The following AIMP1 variants were observed in gnomAD, a reference collection of about 807,000 sequenced individuals.
AIMP1 encodes the protein aminoacyl tRNA synthase complex-interacting multifunctional protein 1.
AIMP1 carries 24 observed loss-of-function variants against 33.1 expected under a neutral mutation model. The ratio of observed to expected loss-of-function variants is 0.73; its 90% confidence interval spans 0.53 to 1.02. The LOEUF is 1.02. Among genes scored for constraint, AIMP1 ranks in the 50% least tolerant of loss-of-function variants. AIMP1 has a pLI of 0.00. For synonymous variants in AIMP1, 120 were observed against 121.5 expected (o/e 0.99, Z 0.08); for missense variants, 367 against 364.8 (o/e 1.01, Z -0.05).
Position 106,316,612 on chromosome 4 carries a change from G to C in AIMP1, c.-26+18G>C. On this transcript the variant is annotated intron_variant, in intron 1 of 6. Coordinates refer to ENST00000672341, the MANE Select transcript of AIMP1 (RefSeq NM_001142416.2). ...CGCTTCATGTGAGTGACGTCGTGGC[G>C]GGTCACTCACTCGGGGATCGCCGAT... is the stretch of plus-strand genomic sequence containing the variant. 1 of 1,550,614 alleles carries C rather than the reference G, an allele frequency of 6.4e-7. No individual in the cohort carries two copies. Among genetic ancestry groups the C allele is most frequent in the Non-Finnish European group, 8.7e-7 (1 of 1,146,504 alleles).
At chr4:106,342,896 G>T (rs181581709) in intron 6 of AIMP1, among the ~76,000 whole-genome samples, 1 of 149,446 alleles carries the variant, frequency 6.7e-6, no homozygotes, top group Non-Finnish European at 1.5e-5. Flanking sequence ...GAATCTATCC[G>T]ATCCAGGGCT....
chr4:106,323,046 A>G (rs956831530), intron 1 of AIMP1, among the ~76,000 whole-genome samples: 1 of 150,970 alleles, frequency 6.6e-6, no homozygotes, highest in Non-Finnish European at 1.5e-5. Flanking sequence ...TAGTAGTTGC[A>G]TATGTGTATT....
At chr4:106,331,584 C>G (rs544108809) in intron 4 of AIMP1, 88 bp from the exon 5 acceptor site, 1 of 1,137,606 alleles carries the variant, frequency 8.8e-7, no homozygotes, top group Middle Eastern at 2.0e-4. Flanking sequence ...TCCTTTTAAG[C>G]TCATTGGTAT....
At chr4:106,346,164 T>C (rs1478657017) in intron 6 of AIMP1, among the ~76,000 whole-genome samples, 1 of 152,076 alleles carries the variant, frequency 6.6e-6, no homozygotes, top group East Asian at 1.9e-4. Flanking sequence ...TCTCAGCTAT[T>C]GAACTTATAT....
intron 6 of AIMP1, among the ~76,000 whole-genome samples, chr4:106,339,962 G>C (rs1025705646): frequency 1.3e-5 from 2 of 152,154 alleles, no homozygotes; most frequent in African/African-American, 4.8e-5. Context: ...GACAGATGAA[G>C]CTTCATAATG....
At chr4:106,331,381 A>G (rs1769669259) in intron 4 of AIMP1, among the ~76,000 whole-genome samples, 1 of 152,148 alleles carries the variant, frequency 6.6e-6, no homozygotes, top group South Asian at 2.1e-4. Flanking sequence ...TTCCAGTAAA[A>G]CTTTATTTAT....
chr4:106,316,845 CG>C (rs1167933526), intron 1 of AIMP1: 3 of 470,842 alleles, frequency 6.4e-6, no homozygotes, highest in Non-Finnish European at 1.1e-5. Flanking sequence ...GATCCCTAAG[CG>C]TATTTACTGT....
At chr4:106,344,090 G>C (rs373145805) in intron 6 of AIMP1, among the ~76,000 whole-genome samples, 1 of 151,948 alleles carries the variant, frequency 6.6e-6, no homozygotes, top group Non-Finnish European at 1.5e-5. Context: ...AATTAACTTG[G>C]CTTCTGGCAC....
rs182065529 is a variant in AIMP1 at position 106,348,204 on chromosome 4, G to A, written c.*512G>A. On this transcript the variant is annotated 3_prime_UTR_variant, in exon 7 of 7. Transcript: ENST00000672341. ...TGAAAGCCAAACATAAAAGCTAGGA[G>A]AAGTGGCATCTGAACATTTTTGCTT... 6.6e-6 allele frequency: 1 copy of A among 152,282 alleles called. No individual in the cohort carries two copies. Among genetic ancestry groups the A allele is most frequent in the Non-Finnish European group, 1.5e-5 (1 of 68,054 alleles). The allele number at this position is 152,282 out of a possible 1,614,324, so 9.4% of individuals were successfully genotyped here.
chr4:106,340,305 T>A (rs1770050638), intron 6 of AIMP1, among the ~76,000 whole-genome samples: 1 of 151,958 alleles, frequency 6.6e-6, no homozygotes, highest in Non-Finnish European at 1.5e-5. Flanking sequence ...CAACTTGTAT[T>A]TTAGGCTCAA....
chr4:106,335,744 T>C (rs904324209), intron 5 of AIMP1, among the ~76,000 whole-genome samples: 3 of 152,076 alleles, frequency 2.0e-5, no homozygotes, highest in Admixed American at 6.6e-5. Context: ...TTTTAAATCA[T>C]AGTATTTCAG....
intron 2 of AIMP1, 118 bp downstream of exon 2, chr4:106,325,236 T>C (rs1579630970): frequency 3.1e-6 from 3 of 972,008 alleles, no homozygotes; most frequent in Middle Eastern, 2.6e-4. Flanking sequence ...TTCTGTTATA[T>C]GTAGAAAAAT....
intron 1 of AIMP1, among the ~76,000 whole-genome samples, chr4:106,318,319 T>C (rs1769064547): frequency 6.6e-6 from 1 of 152,342 alleles, no homozygotes; most frequent in East Asian, 1.9e-4. Context: ...TTGACACATA[T>C]GATTTAAATC....
intron 1 of AIMP1, chr4:106,321,167 C>T (rs935574401): frequency 7.6e-5 from 13 of 171,320 alleles, no homozygotes; most frequent in Non-Finnish European, 1.6e-4. Flanking sequence ...CCGGCCGCCA[C>T]CCCGTCTAGG....
intron 6 of AIMP1, among the ~76,000 whole-genome samples, chr4:106,347,040 G>A (rs746444464): frequency 1.2e-4 from 18 of 151,992 alleles, no homozygotes; most frequent in East Asian, 1.9e-4. Flanking sequence ...GAGAGAGAGC[G>A]GGGAGGTGCC....
intron 6 of AIMP1, among the ~76,000 whole-genome samples, chr4:106,344,489 A>G (rs1770218640): frequency 6.6e-6 from 1 of 152,166 alleles, no homozygotes; most frequent in Admixed American, 6.5e-5. Flanking sequence ...GAAAATAATT[A>G]TTAACTCCAC....
At chr4:106,338,869 G>T (rs1377665896) in intron 6 of AIMP1, among the ~76,000 whole-genome samples, 2 of 152,228 alleles carry the variant, frequency 1.3e-5, no homozygotes, top group Non-Finnish European at 2.9e-5. Flanking sequence ...AAAGCCACAG[G>T]GGTAGAGCTG....
Position 106,331,823 on chromosome 4 carries a change from C to T in AIMP1, c.543C>T (p.Val181=), listed in dbSNP as rs769213770. ...CTTTGTATGTGGAAGAAGTAGATGT[C>T]GGAGAAATAGCCCCAAGGACAGTTG... ...ADSLYVEEVD[V]GEIAPRTVVS... is the part of the protein sequence containing the mutation. Residue 181 remains valine, a synonymous_variant, in exon 5 of 7, where the codon GTC becomes GTT. Transcript: ENST00000672341. The T allele has an allele frequency of 4.5e-5, 72 of 1,613,954 alleles. No homozygotes were observed. Among genetic ancestry groups the T allele is most frequent in the Admixed American group, 1.3e-4 (8 of 60,002 alleles).
chr4:106,345,902 A>G (rs1308337339), intron 6 of AIMP1, among the ~76,000 whole-genome samples: 1 of 148,804 alleles, frequency 6.7e-6, no homozygotes, highest in Admixed American at 6.7e-5. Flanking sequence ...TATAAAATAT[A>G]TTTTATATTC....
Sources: gnomAD v4.1 joint callset for allele counts (sites outside exome capture counted in the v4.1 genomes callset) on GRCh38, gnomAD v4.1.1 for gene constraint, MANE v1.5 for transcripts, NCBI Gene and HGNC (gene_info 2026-07-23, HGNC 2026-07-21) for gene names.